PCDHA3: variants seen among roughly 807,000 people sequenced by gnomAD.
PCDHA3 encodes the protein protocadherin alpha-3.
In PCDHA3, 41 loss-of-function variants were observed where a neutral mutation model predicts 62.2. The observed-to-expected ratio is 0.66, with a 90% CI of 0.51 to 0.86. PCDHA3 has a LOEUF of 0.86. Ranked by LOEUF, PCDHA3 falls within the 40% of genes least tolerant of loss-of-function variation. PCDHA3 has a pLI of 0.00. For missense variants in PCDHA3, 1,304 were observed against 1,241.2 expected, an observed-to-expected ratio of 1.05 and a Z score of -0.76; for synonymous variants, 640 against 555.4, an observed-to-expected ratio of 1.15 and a Z score of -2.14.
At chr5:140,922,791 T>A (rs1454046146) in intron 1 of PCDHA3, among the ~76,000 whole-genome samples, 1 of 152,078 alleles carries the variant, frequency 6.6e-6, no homozygotes, top group Non-Finnish European at 1.5e-5. Flanking sequence ...AAACTGTAGC[T>A]TTGGAATACA....
At chr5:140,823,659 C>A in intron 1 of PCDHA3, 1 of 1,613,984 alleles carries the variant, frequency 6.2e-7, no homozygotes, top group Non-Finnish European at 8.5e-7. Context: ...TGTACACAGG[C>A]GAGATCAGCA....
intron 1 of PCDHA3, among the ~76,000 whole-genome samples, chr5:140,894,025 A>G (rs1473023847): frequency 1.3e-5 from 2 of 152,232 alleles, no homozygotes; most frequent in Admixed American, 6.5e-5. Flanking sequence ...CCAGTTCTGC[A>G]TACTGGTAAT....
chr5:140,824,621 T>TTG (rs1210454959), intron 1 of PCDHA3: 1 of 130,846 alleles, frequency 7.6e-6, no homozygotes, highest in Non-Finnish European at 1.6e-5. Context: ...TTTTTTTTTT[T>TTG]TTTTTTTTTT....
intron 3 of PCDHA3, among the ~76,000 whole-genome samples, chr5:141,006,067 A>T (rs1202024176): frequency 3.3e-5 from 5 of 151,950 alleles, no homozygotes; most frequent in African/African-American, 1.2e-4. Context: ...AGAAATAAAA[A>T]TCAGATTATT....
chr5:140,862,988 C>A (rs1554157382), intron 1 of PCDHA3: 6 of 546,930 alleles, frequency 1.1e-5, no homozygotes, highest in Non-Finnish European at 2.2e-5. Context: ...GGCGAAGGTG[C>A]GCACGGTGGA....
chr5:140,869,159 T>C, intron 1 of PCDHA3: 1 of 1,613,792 alleles, frequency 6.2e-7, no homozygotes, highest in Non-Finnish European at 8.5e-7. Flanking sequence ...CTCTGGCTTC[T>C]CCTCCTCGAA....
chr5:140,895,309 C>A (rs1327911944), intron 1 of PCDHA3, among the ~76,000 whole-genome samples: 1 of 152,124 alleles, frequency 6.6e-6, no homozygotes, highest in African/African-American at 2.4e-5. Context: ...CCCCCTTCCA[C>A]CCATGACTAT....
intron 1 of PCDHA3, among the ~76,000 whole-genome samples, chr5:140,872,045 C>G (rs1286579116): frequency 6.6e-6 from 1 of 152,208 alleles, no homozygotes; most frequent in East Asian, 1.9e-4. Flanking sequence ...AAGAATTCTC[C>G]CACTTCAGCC....
intron 1 of PCDHA3, among the ~76,000 whole-genome samples, chr5:140,943,180 C>T (rs2093431387): frequency 6.7e-6 from 1 of 149,602 alleles, no homozygotes; most frequent in South Asian, 2.1e-4. Context: ...ATCGCTTGAA[C>T]CCTGGAGGTG....
At chr5:140,870,771 C>G (rs370490786) in intron 1 of PCDHA3, 13 of 1,613,466 alleles carry the variant, frequency 8.1e-6, no homozygotes, top group Non-Finnish European at 1.1e-5. Context: ...TCGTGCTGGA[C>G]GAGAACGACA....
In PCDHA3 at chr5:140,843,362, A is replaced by C. The variant is rs2150191261; in HGVS notation, c.2394+39771A>C. On this transcript the variant is annotated intron_variant, in intron 1 of 3. Transcript: ENST00000522353. ...CGGCCAGGCTCCAAAAGCGTCATCG[A>C]GGCAGTCGGCTGGCGTTTTGGGTCC... 3 of 1,595,998 alleles carry C rather than the reference A, an allele frequency of 1.9e-6. No homozygotes were observed. The East Asian group carries it at 6.7e-5, about 36-fold the overall frequency.
At chr5:140,856,271 G>A (rs782472888) in intron 1 of PCDHA3, 1 of 1,598,148 alleles carries the variant, frequency 6.3e-7, no homozygotes, top group Admixed American at 1.7e-5. Flanking sequence ...GGACCTTCTG[G>A]AGGTAAATCT....
At position 140,803,544 on chromosome 5, in the gene PCDHA3, C is replaced by T; in HGVS notation, c.2347C>T (p.Arg783Trp). Reference protein sequence around the residue: ...SPSLPPCPISRDREEKQDVDV... With the variant: ...SPSLPPCPISWDREEKQDVDV... Reference sequence around the variant, plus strand: ...TAGCCTTCCTCCTTGTCCAATTAGCCGGGATAGAGAGGAGAAACAGGATGT... The same window carrying T: ...TAGCCTTCCTCCTTGTCCAATTAGCTGGGATAGAGAGGAGAAACAGGATGT... The change falls in exon 1 of 4, where the codon CGG becomes TGG. Residue 783 changes from arginine to tryptophan, a missense_variant. Physicochemically the swap from Arg to Trp is moderately radical, Grantham distance 101 (BLOSUM62 -3). Transcript: ENST00000522353. The T allele has an allele frequency of 6.2e-7, 1 of 1,614,160 alleles. No individual in the cohort carries two copies. Among genetic ancestry groups the T allele is most frequent in the Non-Finnish European group, 8.5e-7 (1 of 1,180,024 alleles).
At chr5:140,900,369 CTGGGT>C (rs1554189090) in intron 1 of PCDHA3, among the ~76,000 whole-genome samples, 2 of 152,158 alleles carry the variant, frequency 1.3e-5, no homozygotes, top group Non-Finnish European at 2.9e-5. Flanking sequence ...CCTCTGCCTC[CTGGGT>C]TCAAGCGATT....
At chr5:140,842,366 G>C in intron 1 of PCDHA3, 1 of 1,608,006 alleles carries the variant, frequency 6.2e-7, no homozygotes, top group Non-Finnish European at 8.5e-7. Flanking sequence ...TAACGTCCCT[G>C]AGATAGCACT....
chr5:140,825,948 C>A (rs1289779373), intron 1 of PCDHA3: 2 of 152,214 alleles, frequency 1.3e-5, no homozygotes, highest in Non-Finnish European at 2.9e-5. Context: ...TAATGAGAAC[C>A]ATTTGTCTAC....
At chr5:140,869,732 T>C (rs782783003) in intron 1 of PCDHA3, 2 of 1,613,412 alleles carry the variant, frequency 1.2e-6, no homozygotes, top group Non-Finnish European at 1.7e-6. Flanking sequence ...GAACTTAATT[T>C]GCTGCTAACA....
chr5:140,923,339 A>C (rs1341190939), intron 1 of PCDHA3, among the ~76,000 whole-genome samples: 2 of 152,154 alleles, frequency 1.3e-5, no homozygotes, highest in Non-Finnish European at 2.9e-5. Context: ...CAGTTTGGGC[A>C]ACATAGTGGG....
chr5:140,833,430 A>G (rs2150208513), intron 1 of PCDHA3, among the ~76,000 whole-genome samples: 6 of 152,230 alleles, frequency 3.9e-5, no homozygotes, highest in Non-Finnish European at 7.3e-5. Flanking sequence ...GAGATGGCTG[A>G]GCACTGAAAT....
Sources: allele counts gnomAD v4.1 joint callset (sites outside exome capture counted in the v4.1 genomes callset), GRCh38; gene constraint gnomAD v4.1.1; transcripts MANE v1.5; gene names NCBI Gene and HGNC (gene_info 2026-07-23, HGNC 2026-07-21).